The following THSD7B variants were observed in gnomAD, a reference collection of about 807,000 sequenced individuals.
The protein encoded by THSD7B is thrombospondin type 1 domain containing 7B, also known as thrombospondin type-1 domain-containing protein 7B.
In THSD7B, 138 loss-of-function variants were observed where a neutral mutation model predicts 213.6. That is an observed-to-expected ratio of 0.65 (90% CI 0.56 to 0.74). The LOEUF (loss-of-function observed/expected upper bound fraction) is 0.74, where lower values mean the gene tolerates loss of function less well. THSD7B is among the 30% of genes least tolerant of loss of function. THSD7B has a pLI of 0.00. For missense variants in THSD7B, 1,931 were observed against 1,991.5 expected (o/e 0.97, Z 0.58); for synonymous variants, 742 against 687.0 (o/e 1.08, Z -1.25).
chr2:136,836,240 T>C (rs1302052872), intron 1 of THSD7B, among the ~76,000 whole-genome samples: 1 of 152,162 alleles, frequency 6.6e-6, no homozygotes, highest in Non-Finnish European at 1.5e-5. Context: ...TAATCGCACA[T>C]GAAAATGTCA....
rs770887039 is a variant in THSD7B at position 137,094,893 on chromosome 2, T to G, written c.971T>G (p.Phe324Cys). The part of the protein sequence containing the change: ...AMLSLCLQDS[F>C]PLTVQSCIMP... Reference sequence around the variant, plus strand: ...TTCAGCCTTTGCCTTCAAGATTCCTTCCCATTGACTGTTCAGTCCTGCATC... The same window carrying G: ...TTCAGCCTTTGCCTTCAAGATTCCTGCCCATTGACTGTTCAGTCCTGCATC... The change falls in exon 4 of 28, where the codon TTC (phenylalanine) becomes TGC (cysteine). Residue 324 changes from phenylalanine to cysteine, a missense_variant. Coordinates refer to ENST00000409968, the MANE Select transcript of THSD7B (RefSeq NM_001316349.2). The G allele has an allele frequency of 6.2e-7, 1 of 1,613,018 alleles. No homozygotes were observed. The highest frequency in any genetic ancestry group is 8.5e-7 in the Non-Finnish European group (1 of 1,179,314).
chr2:137,170,357 C>A (rs142494614), intron 6 of THSD7B, among the ~76,000 whole-genome samples: 1 of 151,998 alleles, frequency 6.6e-6, no homozygotes, highest in East Asian at 1.9e-4. Context: ...CCGAATGCAG[C>A]GTAACAAGAA....
chr2:136,838,883 C>T (rs1372277272), intron 1 of THSD7B, among the ~76,000 whole-genome samples: 1 of 152,172 alleles, frequency 6.6e-6, no homozygotes, highest in African/African-American at 2.4e-5. Flanking sequence ...ACTTGTGCAG[C>T]TGCCTTGCTC....
At chr2:137,183,952 T>C (rs1040674562) in intron 7 of THSD7B, among the ~76,000 whole-genome samples, 1 of 152,178 alleles carries the variant, frequency 6.6e-6, no homozygotes, top group Non-Finnish European at 1.5e-5. Flanking sequence ...TTAAAGATAA[T>C]GGAACCTTCT....
chr2:136,942,792 G>A (rs1162598551), intron 2 of THSD7B, among the ~76,000 whole-genome samples: 4 of 152,160 alleles, frequency 2.6e-5, no homozygotes, highest in African/African-American at 9.7e-5. Context: ...CATGTCATCT[G>A]CAAACAGGGA....
chr2:137,382,690 C>A (rs535481117), intron 12 of THSD7B, among the ~76,000 whole-genome samples: 1 of 152,316 alleles, frequency 6.6e-6, no homozygotes, highest in Non-Finnish European at 1.5e-5. Flanking sequence ...TCCACTTTAG[C>A]AAAGTGGGGC....
intron 3 of THSD7B, among the ~76,000 whole-genome samples, chr2:137,066,629 G>A (rs945720140): frequency 4.6e-5 from 7 of 151,766 alleles, no homozygotes; most frequent in African/African-American, 1.7e-4. Context: ...TTTTTTCTTT[G>A]TCTTTGATGT....
intron 12 of THSD7B, among the ~76,000 whole-genome samples, chr2:137,362,496 A>T (rs1010121752): frequency 6.6e-6 from 1 of 152,188 alleles, no homozygotes; most frequent in South Asian, 2.1e-4. Flanking sequence ...CCCATCTCAC[A>T]TGCAGAGACA....
chr2:137,290,516 C>A (rs1219546950), intron 12 of THSD7B, among the ~76,000 whole-genome samples: 1 of 152,050 alleles, frequency 6.6e-6, no homozygotes, highest in East Asian at 1.9e-4. Flanking sequence ...TCCACTGAAA[C>A]CTTACATGGC....
At chr2:137,458,314 C>CA (rs1412368717) in intron 15 of THSD7B, among the ~76,000 whole-genome samples, 3 of 152,202 alleles carry the variant, frequency 2.0e-5, no homozygotes, top group African/African-American at 7.2e-5. Context: ...TTGAGCATTC[C>CA]AAAAAACTAT....
chr2:137,122,401 G>A (rs1688561289), intron 5 of THSD7B, among the ~76,000 whole-genome samples: 1 of 152,126 alleles, frequency 6.6e-6, no homozygotes, highest in South Asian at 2.1e-4. Flanking sequence ...TTTTACCTGG[G>A]CCTTAAAGGA....
At chr2:137,562,998 G>A (rs1036516482) in intron 15 of THSD7B, among the ~76,000 whole-genome samples, 1 of 152,080 alleles carries the variant, frequency 6.6e-6, no homozygotes, top group Non-Finnish European at 1.5e-5. Flanking sequence ...TTCTGTGAAA[G>A]CATGCCATCA....
chr2:137,042,181 T>C (rs1480543768), intron 2 of THSD7B, among the ~76,000 whole-genome samples: 1 of 152,190 alleles, frequency 6.6e-6, no homozygotes, highest in East Asian at 1.9e-4. Flanking sequence ...GTTCATTGTT[T>C]TGTGGTTTTA....
At chr2:136,986,078 TA>T (rs1685667991) in intron 2 of THSD7B, among the ~76,000 whole-genome samples, 1 of 152,214 alleles carries the variant, frequency 6.6e-6, no homozygotes, top group Admixed American at 6.5e-5. Flanking sequence ...ATCTTGGGAA[TA>T]AATAACTTGT....
In THSD7B at chr2:137,381,286, C is replaced by A. The variant is rs566868828; in HGVS notation, c.2501-24327C>A. On this transcript the variant is annotated intron_variant, in intron 12 of 27. Coordinates refer to ENST00000409968, the MANE Select transcript of THSD7B (RefSeq NM_001316349.2). ...CACTGAAGCAGCTAGAAGCAGAGAG[C>A]ACCAAGAAAGAATGAACCTTTGCCA... 4.0e-4 allele frequency among the ~76,000 whole-genome samples: 61 copies of A among 152,310 alleles called. 1 individual carries two copies. Among genetic ancestry groups the A allele is most frequent in the African/African-American group, 1.1e-3 (47 of 41,566 alleles).
At chr2:137,529,117 C>T (rs1267802776) in intron 15 of THSD7B, among the ~76,000 whole-genome samples, 1 of 152,076 alleles carries the variant, frequency 6.6e-6, no homozygotes, top group East Asian at 1.9e-4. Flanking sequence ...GGAGACAGTA[C>T]TTTCCCTTTC....
rs1474408948 is a variant in THSD7B at position 137,288,654 on chromosome 2, G to C, written c.2500+12628G>C. Among the ~76,000 whole-genome samples the C allele has an allele frequency of 4.6e-5, 7 of 151,928 alleles. No individual in the cohort carries two copies. In the East Asian group the frequency reaches 7.7e-4, roughly 17 times the overall value. On this transcript the variant is annotated intron_variant, in intron 12 of 27. Transcript: ENST00000409968. ...ATGAGTTGAAATTTCATACTCAATG[G>C]GGTTTTAGGCCAATGAGAATAGGAT...
At chr2:137,293,700 A>G (rs970627019) in intron 12 of THSD7B, among the ~76,000 whole-genome samples, 6 of 152,090 alleles carry the variant, frequency 3.9e-5, no homozygotes, top group Non-Finnish European at 8.8e-5. Context: ...TTAACCAATT[A>G]TATATTTTAT....
intron 12 of THSD7B, among the ~76,000 whole-genome samples, chr2:137,380,530 GA>G (rs1399571923): frequency 2.0e-5 from 3 of 152,172 alleles, no homozygotes; most frequent in Admixed American, 6.5e-5. Context: ...TGACTTTATA[GA>G]AGCAGAGGGA....
Sources: gnomAD v4.1 joint callset for allele counts (sites outside exome capture counted in the v4.1 genomes callset) on GRCh38, gnomAD v4.1.1 for gene constraint, MANE v1.5 for transcripts, NCBI Gene and HGNC (gene_info 2026-07-23, HGNC 2026-07-21) for gene names.